TAOK3: variants seen among roughly 807,000 people sequenced by gnomAD.
The protein encoded by TAOK3 is serine/threonine-protein kinase TAO3.
In TAOK3, 40 loss-of-function variants were observed where a neutral mutation model predicts 120.4. The observed-to-expected ratio is 0.33, with a 90% confidence interval of 0.26 to 0.43. The LOEUF is 0.43. Among genes scored for constraint, TAOK3 ranks in the 20% least tolerant of loss-of-function variants. The pLI, the probability that TAOK3 is intolerant of heterozygous loss-of-function variation, is 1.00. For missense variants in TAOK3, 821 were observed against 1,112.1 expected (o/e 0.74, Z 3.72); for synonymous variants, 355 against 387.5 (o/e 0.92, Z 0.99).
chr12:118,299,361 A>G (rs903390341), intron 1 of TAOK3, among the ~76,000 whole-genome samples: 3 of 152,154 alleles, frequency 2.0e-5, no homozygotes, highest in Non-Finnish European at 4.4e-5. Flanking sequence ...GTTCAAATAT[A>G]GTACTTTAAA....
chr12:118,181,994 G>C lies in TAOK3; in HGVS notation c.1330-387C>G, dbSNP rs554619782. ...GAGGTCAGGAGTTGGAGACCAGCCT[G>C]GCCAACATGGTAAAACCCCGTCTCT... On this transcript the variant is annotated intron_variant, in intron 14 of 20. Coordinates refer to ENST00000392533, the MANE Select transcript of TAOK3 (RefSeq NM_016281.4). Among the ~76,000 whole-genome samples the C allele has an allele frequency of 4.1e-4, 63 of 152,256 alleles. 1 individual carries two copies. The highest frequency in any genetic ancestry group is 1.5e-3 in the African/African-American group (62 of 41,550).
chr12:118,257,010 C>A (rs2041016761), intron 2 of TAOK3, among the ~76,000 whole-genome samples: 1 of 152,148 alleles, frequency 6.6e-6, no homozygotes, highest in African/African-American at 2.4e-5. Context: ...CCAGGCAGCA[C>A]TAAAACCTTA....
chr12:118,362,317 T>TAAAAAA (rs10652375), intron 1 of TAOK3, among the ~76,000 whole-genome samples: 1 of 105,526 alleles, frequency 9.5e-6, no homozygotes, highest in Non-Finnish European at 1.9e-5. Flanking sequence ...GCTGATGGGC[T>TAAAAAA]AAAAAAAAAA....
At chr12:118,324,805 C>T (rs1323548546) in intron 1 of TAOK3, among the ~76,000 whole-genome samples, 11 of 130,140 alleles carry the variant, frequency 8.5e-5, no homozygotes, top group Admixed American at 6.7e-4. Flanking sequence ...AGTGCAGTGG[C>T]GCGATCTCGG....
At chr12:118,369,983 C>T (rs941434474) in intron 1 of TAOK3, among the ~76,000 whole-genome samples, 1 of 151,650 alleles carries the variant, frequency 6.6e-6, no homozygotes, top group Admixed American at 6.6e-5. Flanking sequence ...CAAGCGATTC[C>T]TCTGCCTCAG....
chr12:118,268,181 A>G (rs1447888398), intron 1 of TAOK3, among the ~76,000 whole-genome samples: 1 of 152,184 alleles, frequency 6.6e-6, no homozygotes, highest in African/African-American at 2.4e-5. Flanking sequence ...TCAAAAACCA[A>G]GGCTGTATTC....
At chr12:118,315,337 G>A (rs1199614547) in intron 1 of TAOK3, among the ~76,000 whole-genome samples, 1 of 152,076 alleles carries the variant, frequency 6.6e-6, no homozygotes, top group Non-Finnish European at 1.5e-5. Context: ...TTAAATCAAT[G>A]AGCTAAATAT....
chr12:118,239,623 A>G (rs2040157710), intron 5 of TAOK3, among the ~76,000 whole-genome samples: 1 of 152,246 alleles, frequency 6.6e-6, no homozygotes. Flanking sequence ...TTTGTAACTC[A>G]GAAAGTGGCA....
chr12:118,270,159 T>G (rs2041638105), intron 1 of TAOK3, among the ~76,000 whole-genome samples: 1 of 152,226 alleles, frequency 6.6e-6, no homozygotes, highest in Non-Finnish European at 1.5e-5. Context: ...TTTTCAAATA[T>G]CTATTCGGCT....
intron 16 of TAOK3, among the ~76,000 whole-genome samples, chr12:118,174,825 A>G (rs2138720742): frequency 6.6e-6 from 1 of 152,166 alleles, no homozygotes; most frequent in South Asian, 2.1e-4. Context: ...CATCAAGCTC[A>G]GCTAATTTTG....
intron 1 of TAOK3, among the ~76,000 whole-genome samples, chr12:118,274,247 A>C (rs1397033938): frequency 6.6e-6 from 1 of 152,216 alleles, no homozygotes; most frequent in African/African-American, 2.4e-5. Flanking sequence ...TTCACGTTGA[A>C]AATGAAACTA....
At chr12:118,207,327 AG>A (rs1228421124) in intron 11 of TAOK3, among the ~76,000 whole-genome samples, 2 of 147,904 alleles carry the variant, frequency 1.4e-5, no homozygotes, top group African/African-American at 5.0e-5. Context: ...ACTCCGTCTC[AG>A]GAAAAAAAAA....
chr12:118,325,155 T>C (rs1252427153), intron 1 of TAOK3, among the ~76,000 whole-genome samples: 1 of 152,238 alleles, frequency 6.6e-6, no homozygotes, highest in Non-Finnish European at 1.5e-5. Flanking sequence ...TTCCAAATCC[T>C]GGCTATTGTG....
intron 1 of TAOK3, among the ~76,000 whole-genome samples, chr12:118,318,158 C>CTTTT (rs766334747): frequency 7.5e-6 from 1 of 133,302 alleles, no homozygotes; most frequent in Non-Finnish European, 1.6e-5. Context: ...AGCTATAAAA[C>CTTTT]TTTTTTTTTT....
At chr12:118,201,892 T>C (rs1314279415) in intron 11 of TAOK3, among the ~76,000 whole-genome samples, 2 of 152,224 alleles carry the variant, frequency 1.3e-5, no homozygotes, top group African/African-American at 4.8e-5. Context: ...GTCCTCATGC[T>C]GTACACTGGA....
chr12:118,298,098 T>C (rs941486488), intron 1 of TAOK3, among the ~76,000 whole-genome samples: 5 of 152,156 alleles, frequency 3.3e-5, no homozygotes, highest in Non-Finnish European at 5.9e-5. Context: ...TTTTGAACAA[T>C]TAGTTACCAA....
At chr12:118,332,255 C>T (rs1205964173) in intron 1 of TAOK3, among the ~76,000 whole-genome samples, 2 of 152,076 alleles carry the variant, frequency 1.3e-5, no homozygotes, top group African/African-American at 4.8e-5. Context: ...TCTCCTTATC[C>T]ACCTCCACCC....
At chr12:118,182,599 G>GTATATATA (rs1212615187) in intron 14 of TAOK3, among the ~76,000 whole-genome samples, 19 of 93,896 alleles carry the variant, frequency 2.0e-4, no homozygotes, top group African/African-American at 4.8e-4. Flanking sequence ...GTGTGTGTGT[G>GTATATATA]TATATATATA....
chr12:118,330,552 T>C (rs1456638940), intron 1 of TAOK3, among the ~76,000 whole-genome samples: 1 of 152,072 alleles, frequency 6.6e-6, no homozygotes, highest in African/African-American at 2.4e-5. Flanking sequence ...CTGCAGTTGA[T>C]AGTTGGGCAA....
Sources: gnomAD v4.1 joint callset for allele counts (sites outside exome capture counted in the v4.1 genomes callset) on GRCh38, gnomAD v4.1.1 for gene constraint, MANE v1.5 for transcripts, NCBI Gene and HGNC (gene_info 2026-07-23, HGNC 2026-07-21) for gene names.